Variants in XIST observed in about 807,000 individuals in gnomAD.
The protein encoded by XIST is X inactive specific transcript (non-protein coding).
chrX:73,848,613 C>T, exon 1 of XIST: 2 of 557,831 alleles, frequency 3.6e-6, no homozygotes, highest in Middle Eastern at 3.1e-4. Context: ...TGGACAATTG[C>T]AACTGTGCAA....
exon 1 of XIST, chrX:73,845,885 A>T (rs771349198): frequency 1.6e-5 from 9 of 554,080 alleles, no homozygotes; most frequent in Non-Finnish European, 3.2e-6. Flanking sequence ...AATCACGCAC[A>T]TAACAGGCCA....
exon 6 of XIST, chrX:73,826,182 T>C: frequency 1.8e-6 from 1 of 559,444 alleles, no homozygotes; most frequent in East Asian, 3.2e-5. Flanking sequence ...TGTGTATTTC[T>C]TGTCTAATTC....
intron 2 of XIST, among the ~76,000 whole-genome samples, chrX:73,835,678 A>G (rs1569511985): frequency 8.9e-6 from 1 of 111,857 alleles, no homozygotes. Context: ...TCTTTTACAG[A>G]AAACGTTTAA....
At chrX:73,851,594 C>T (rs1320240203) in exon 1 of XIST, 4 of 557,283 alleles carry the variant, frequency 7.2e-6, no homozygotes, top group Non-Finnish European at 1.3e-5. Context: ...CCTAACCTTC[C>T]ATTTTTAACT....
At position 73,843,628 on chromosome X, in the gene XIST, GCA is replaced by G. The variant is rs756172114; in HGVS notation, n.9094_9095del. 189 of 556,992 alleles carry G rather than the reference GCA, an allele frequency of 3.4e-4. No homozygotes were observed. In the African/African-American group the frequency reaches 3.7e-3, roughly 11 times the overall value. 45.9% of individuals were successfully genotyped at this position (556,992 alleles called of 1,213,427 possible). ...ATGCATATTAAGTCCAAAAGAAGGGGCACTTAGTGAATATCATCCCCCTGCTC... is the reference window on the plus strand; with the variant it reads ...ATGCATATTAAGTCCAAAAGAAGGGGCTTAGTGAATATCATCCCCCTGCTC... On this transcript the variant is annotated non_coding_transcript_exon_variant, in exon 1 of 6. Transcript: ENST00000429829.
At chrX:73,846,045 G>A in exon 1 of XIST, 2 of 557,357 alleles carry the variant, frequency 3.6e-6, no homozygotes, top group East Asian at 6.5e-5. Flanking sequence ...CACCTTGATT[G>A]TCCAAACGTA....
At position 73,831,136 on chromosome X, in the gene XIST, C is replaced by A. The variant is rs1238435782; in HGVS notation, n.11682G>T. The A allele has an allele frequency of 5.4e-6, 3 of 558,143 alleles. No individual in the cohort carries two copies. The Admixed American group carries it at 6.6e-5, about 12-fold the overall frequency. 46.0% of individuals were successfully genotyped at this position (558,143 alleles called of 1,213,427 possible). On this transcript the variant is annotated non_coding_transcript_exon_variant, in exon 4 of 6. Coordinates refer to ENST00000429829, the Ensembl canonical transcript of XIST. ...GACCAGGAAAGTATCTTGACAGAAC[C>A]TCCTGACCTAGGGTTGTTGCCCAGT...
At chrX:73,825,746 T>A in exon 6 of XIST, 1 of 515,646 alleles carries the variant, frequency 1.9e-6, no homozygotes, top group Non-Finnish European at 3.5e-6. Flanking sequence ...ATTTACATAA[T>A]GCTTCACAAT....
chrX:73,842,168 TA>T (rs763476506), exon 1 of XIST: 1 of 509,976 alleles, frequency 2.0e-6, no homozygotes, highest in Non-Finnish European at 3.5e-6. Flanking sequence ...ATGTCTTTCT[TA>T]AAAAAATTTT....
chrX:73,827,796 T>C (rs770166065), exon 6 of XIST: 7 of 533,001 alleles, frequency 1.3e-5, no homozygotes, highest in African/African-American at 9.2e-5. Context: ...CAAAGAGAAA[T>C]AGCAACAAAA....
At chrX:73,842,898 A>G (rs751305650) in exon 1 of XIST, 2 of 558,650 alleles carry the variant, frequency 3.6e-6, no homozygotes, top group East Asian at 6.5e-5. Context: ...GTCTGTAAAA[A>G]GGGGCCAAGG....
exon 1 of XIST, chrX:73,843,586 G>T (rs760179700): frequency 3.6e-6 from 2 of 558,863 alleles, no homozygotes; most frequent in South Asian, 4.5e-5. Context: ...TAAAAGAAGA[G>T]GTGGACAATT....
exon 1 of XIST, chrX:73,848,669 A>C (rs779508541): frequency 3.6e-5 from 20 of 556,783 alleles, no homozygotes; most frequent in Non-Finnish European, 5.8e-5. Flanking sequence ...ACTCGTTAGC[A>C]ACATCCCACA....
chrX:73,849,733 A>G (rs1569512810), exon 1 of XIST: 1 of 555,665 alleles, frequency 1.8e-6, no homozygotes. Context: ...ATATCCCAGT[A>G]TAATAGGATA....
chrX:73,825,632 T>C (rs771218582), exon 6 of XIST: 1 of 511,838 alleles, frequency 2.0e-6, no homozygotes, highest in Non-Finnish European at 3.5e-6. Flanking sequence ...GATTTTGACC[T>C]TATAAAAACG....
chrX:73,847,526 C>T (rs2228652), exon 1 of XIST: 1 of 513,664 alleles, frequency 1.9e-6, no homozygotes, highest in Middle Eastern at 3.1e-4. Flanking sequence ...GGCCTCAGGG[C>T]AATTTTGCAT....
At chrX:73,822,013 T>G in exon 6 of XIST, 1 of 558,576 alleles carries the variant, frequency 1.8e-6, no homozygotes, top group Non-Finnish European at 3.2e-6. Flanking sequence ...AGAGATCTAT[T>G]TAGGCAGTGT....
exon 6 of XIST, chrX:73,827,529 AAAGG>A: frequency 1.8e-6 from 1 of 540,699 alleles, no homozygotes; most frequent in South Asian, 2.4e-5. Flanking sequence ...AGAGAGGCAG[AAAGG>A]AAATGCAGAA....
exon 1 of XIST, chrX:73,848,828 C>T (rs1922840387): frequency 1.8e-6 from 1 of 556,433 alleles, no homozygotes; most frequent in Admixed American, 2.2e-5. Context: ...ATGAGTGGGA[C>T]TATGGGCAAT....
Sources: allele counts gnomAD v4.1 joint callset (sites outside exome capture counted in the v4.1 genomes callset), GRCh38; gene constraint gnomAD v4.1.1; transcripts MANE v1.5; gene names NCBI Gene and HGNC (gene_info 2026-07-23, HGNC 2026-07-21).